The following MAP7D2 variants were observed in gnomAD, a reference collection of about 807,000 sequenced individuals.
MAP7D2 encodes the protein MAP7 domain containing 2.
Under a neutral mutation model 63.5 loss-of-function variants are expected in MAP7D2, and 33 were observed. That is an observed-to-expected ratio of 0.52 (90% confidence interval 0.39 to 0.70). The LOEUF is 0.70. Among genes scored for constraint, MAP7D2 ranks in the 30% least tolerant of loss-of-function variants. The pLI, the probability that MAP7D2 is intolerant of heterozygous loss-of-function variation, is 0.00. For missense variants in MAP7D2, 626 were observed against 604.0 expected, an observed-to-expected ratio of 1.04 and a Z score of -0.38; for synonymous variants, 224 against 223.7, an observed-to-expected ratio of 1.00 and a Z score of -0.01.
In MAP7D2 at chrX:20,015,248, T is replaced by C; in HGVS notation, c.1724A>G (p.Glu575Gly). The C allele has an allele frequency of 8.3e-7, 1 of 1,210,517 alleles. No homozygotes were observed. ...CTTCTTTCTCTCCAGTCTCTCCTGC[T>C]CAATCTGCAGCATAATCTGTTCTCT... is the stretch of plus-strand genomic sequence containing the variant. ...LEREQIMLQI[E>G]QERLERKKRI... Residue 575 changes from glutamate to glycine, a missense_variant, in exon 12 of 17, where the codon GAG (glutamate) becomes GGG (glycine). Glu to Gly is a moderately conservative substitution (Grantham distance 98). Coordinates refer to ENST00000379643, the MANE Select transcript of MAP7D2 (RefSeq NM_001168465.2).
chrX:20,016,183 C>T lies in MAP7D2; in HGVS notation c.1555G>A (p.Glu519Lys), dbSNP rs926658717. The part of the protein sequence containing the change: ...QEGEEKRKAG[E>K]EAKRKAEEEL... ...TCCTCAGCCTTCCGCTTGGCCTCCTCGCCTGCCTTTCTTTTCTCTTCCCCT... is the reference window on the plus strand; with the variant it reads ...TCCTCAGCCTTCCGCTTGGCCTCCTTGCCTGCCTTTCTTTTCTCTTCCCCT... The change falls in exon 11 of 17, where the codon GAG (glutamate) becomes AAG (lysine). Residue 519 changes from glutamate to lysine, a missense_variant. Coordinates refer to ENST00000379643, the MANE Select transcript of MAP7D2 (RefSeq NM_001168465.2). 8.4e-7 allele frequency: 1 copy of T among 1,194,687 alleles called. No homozygotes were observed. Among genetic ancestry groups the T allele is most frequent in the African/African-American group, 1.7e-5 (1 of 57,359 alleles).
chrX:20,040,490 T>C (rs2064624869), intron 8 of MAP7D2, among the ~76,000 whole-genome samples: 1 of 112,061 alleles, frequency 8.9e-6, no homozygotes, highest in South Asian at 3.7e-4. Context: ...AGATTTGATG[T>C]GCCTTCCTCA....
intron 1 of MAP7D2, among the ~76,000 whole-genome samples, chrX:20,100,259 G>A (rs1299657026): frequency 8.9e-6 from 1 of 112,071 alleles, no homozygotes; most frequent in African/African-American, 3.2e-5. Context: ...TGCACTGCCT[G>A]GGGTGGCAGC....
At chrX:20,107,678 A>G (rs2066609679) in intron 1 of MAP7D2, among the ~76,000 whole-genome samples, 1 of 110,752 alleles carries the variant, frequency 9.0e-6, no homozygotes, top group East Asian at 2.8e-4. Context: ...TCTTTTTCTT[A>G]ATGTGTCTAC....
chrX:20,082,789 C>T (rs1449148568), intron 1 of MAP7D2, among the ~76,000 whole-genome samples: 4 of 111,540 alleles, frequency 3.6e-5, no homozygotes, highest in South Asian at 3.8e-4. Context: ...CCACCACACC[C>T]GGCTAATGTT....
At chrX:20,021,065 C>G (rs757992275) in intron 10 of MAP7D2, among the ~76,000 whole-genome samples, 9 of 111,976 alleles carry the variant, frequency 8.0e-5, no homozygotes, top group Non-Finnish European at 1.5e-4. Context: ...TCTAGGAATC[C>G]CATTAAGATC....
intron 16 of MAP7D2, among the ~76,000 whole-genome samples, chrX:20,009,556 C>T (rs554644770): frequency 2.0e-5 from 2 of 99,063 alleles, no homozygotes; most frequent in South Asian, 5.2e-4. Context: ...CCCAGCTACT[C>T]GGGAGGCTGA....
intron 1 of MAP7D2, among the ~76,000 whole-genome samples, chrX:20,087,879 C>CTTT (rs539620594): frequency 3.4e-4 from 18 of 52,859 alleles, no homozygotes; most frequent in East Asian, 6.0e-4. Context: ...AATTTCTTTT[C>CTTT]TTTTTTTTTT....
chrX:20,090,420 T>C (rs1156804591), intron 1 of MAP7D2, among the ~76,000 whole-genome samples: 1 of 103,493 alleles, frequency 9.7e-6, no homozygotes, highest in Non-Finnish European at 2.0e-5. Flanking sequence ...AATCAACACA[T>C]GAAAAAATAT....
intron 11 of MAP7D2, 121 bp from the exon 12 acceptor site, chrX:20,015,448 A>G: frequency 1.8e-6 from 1 of 546,705 alleles, no homozygotes. Flanking sequence ...TGCTGCTCCA[A>G]TATTCAATGT....
At chrX:20,094,262 G>C (rs2066146128) in intron 1 of MAP7D2, among the ~76,000 whole-genome samples, 2 of 105,934 alleles carry the variant, frequency 1.9e-5, no homozygotes, top group African/African-American at 6.8e-5. Context: ...ACACCTGTCT[G>C]CTCCTATAGA....
At chrX:20,110,276 T>C (rs944682831) in intron 1 of MAP7D2, among the ~76,000 whole-genome samples, 11 of 109,097 alleles carry the variant, frequency 1.0e-4, no homozygotes, top group African/African-American at 3.7e-4. Flanking sequence ...TCACTTGAGG[T>C]CAGGAGTTCA....
At chrX:20,069,265 G>A (rs945347496) in intron 1 of MAP7D2, among the ~76,000 whole-genome samples, 1 of 111,263 alleles carries the variant, frequency 9.0e-6, no homozygotes, top group African/African-American at 3.3e-5. Context: ...GGAGTACAGT[G>A]GCACGATCAT....
intron 8 of MAP7D2, among the ~76,000 whole-genome samples, chrX:20,029,222 C>T (rs953498492): frequency 7.1e-5 from 8 of 112,342 alleles, no homozygotes; most frequent in Non-Finnish European, 1.5e-4. Flanking sequence ...GACATGACTC[C>T]GACCACAAGG....
intron 8 of MAP7D2, among the ~76,000 whole-genome samples, chrX:20,041,238 G>T (rs2064646869): frequency 9.0e-6 from 1 of 111,380 alleles, no homozygotes; most frequent in African/African-American, 3.3e-5. Context: ...TAAGACAGAG[G>T]GAAACGGATC....
At chrX:20,035,778 T>C (rs1286962883) in intron 8 of MAP7D2, among the ~76,000 whole-genome samples, 1 of 110,110 alleles carries the variant, frequency 9.1e-6, no homozygotes, top group Admixed American at 9.7e-5. Flanking sequence ...GTGGGTGTGG[T>C]GGCGCGCACC....
intron 8 of MAP7D2, among the ~76,000 whole-genome samples, chrX:20,033,402 G>A (rs1228010868): frequency 8.9e-6 from 1 of 111,891 alleles, no homozygotes; most frequent in Non-Finnish European, 1.9e-5. Context: ...GAGATGGGCT[G>A]GACAAATCCA....
intron 1 of MAP7D2, among the ~76,000 whole-genome samples, chrX:20,081,272 A>T (rs1397488370): frequency 1.8e-5 from 2 of 111,658 alleles, no homozygotes; most frequent in Non-Finnish European, 3.8e-5. Flanking sequence ...AAAGATGTAA[A>T]AGAGTCTCAT....
intron 8 of MAP7D2, among the ~76,000 whole-genome samples, chrX:20,039,295 A>G (rs1171147905): frequency 8.9e-6 from 1 of 112,432 alleles, no homozygotes; most frequent in African/African-American, 3.2e-5. Flanking sequence ...ATCCACCTTC[A>G]TGGTGGATGA....
Sources: gnomAD v4.1 joint callset for allele counts (sites outside exome capture counted in the v4.1 genomes callset) on GRCh38, gnomAD v4.1.1 for gene constraint, MANE v1.5 for transcripts, NCBI Gene and HGNC (gene_info 2026-07-23, HGNC 2026-07-21) for gene names.